The following ATP6V0D1 variants were observed in gnomAD, a reference collection of about 807,000 sequenced individuals.
ATP6V0D1 encodes ATPase H+ transporting V0 subunit d1.
Under a neutral mutation model 39.0 loss-of-function variants are expected in ATP6V0D1, and 13 were observed. That is an observed-to-expected ratio of 0.33 (90% CI 0.22 to 0.53). ATP6V0D1 has a LOEUF of 0.53. Ranked by LOEUF, ATP6V0D1 falls within the 20% of genes least tolerant of loss-of-function variation. ATP6V0D1 has a pLI of 0.94. For synonymous variants in ATP6V0D1, 191 were observed against 191.2 expected (o/e 1.00, Z 0.01); for missense variants, 272 against 470.9 (o/e 0.58, Z 3.91).
At chr16:67,476,278 G>T (rs999875158) in intron 1 of ATP6V0D1, among the ~76,000 whole-genome samples, 1 of 151,268 alleles carries the variant, frequency 6.6e-6, no homozygotes, top group African/African-American at 2.4e-5. Context: ...TGGCTACAGG[G>T]TTATATAAAA....
chr16:67,444,713 G>C lies in ATP6V0D1; in HGVS notation c.303-7C>G, dbSNP rs1223234745. ...GTCGATCATGTAACTGTAACTACAG[G>C]GGGCAGGCAATAGCAAGGAGCCCAT... On this transcript the variant is annotated splice_polypyrimidine_tract_variant and splice_region_variant and intron_variant, in intron 2 of 7. Transcript: ENST00000290949. The surrounding 1 kb of genome is among the most constrained non-coding windows in gnomAD (Gnocchi z 4.8). 6.3e-7 allele frequency: 1 copy of C among 1,585,012 alleles called. No homozygotes were observed. Among genetic ancestry groups the C allele is most frequent in the Non-Finnish European group, 8.6e-7 (1 of 1,160,922 alleles).
intron 1 of ATP6V0D1, chr16:67,457,611 G>A (rs1230854130): frequency 7.8e-7 from 1 of 1,289,558 alleles, no homozygotes; most frequent in East Asian, 5.5e-5. Flanking sequence ...TCATCACTCA[G>A]GGACAAGTCC....
chr16:67,456,730 C>G lies in ATP6V0D1; in HGVS notation c.131-3015G>C, dbSNP rs2041241252. 2 of 152,270 alleles carry G rather than the reference C, an allele frequency of 1.3e-5. No individual in the cohort carries two copies. The highest frequency in any genetic ancestry group is 4.1e-4 in the South Asian group (2 of 4,826). The allele number at this position is 152,270 out of a possible 1,614,324, so 9.4% of individuals were successfully genotyped here. ...CGGGCCAGATGTACAGGGTGAGCTC[C>G]AGAGAAAAACTCAGTCCTTTGGGTG... On this transcript the variant is annotated intron_variant, in intron 1 of 7. Transcript: ENST00000290949. The surrounding 1 kb of genome is among the most constrained non-coding windows in gnomAD (Gnocchi z 4.1).
rs1415697447 is a variant in ATP6V0D1, at chr16:67,444,209, C to A, written c.481+319G>T. On this transcript the variant is annotated intron_variant, in intron 3 of 7. Transcript: ENST00000290949. The surrounding 1 kb of genome is among the most constrained non-coding windows in gnomAD (Gnocchi z 4.8). ...TCAGAGCTCTCGGGACTCCAAGGGA[C>A]TTGGGCCTCTCTCACTCTTCTCCAT... Among the ~76,000 whole-genome samples, 6 of 152,222 alleles carry A rather than the reference C, an allele frequency of 3.9e-5. No homozygotes were observed. Among genetic ancestry groups the A allele is most frequent in the Admixed American group, 6.5e-5 (1 of 15,286 alleles).
At chr16:67,457,622 C>T (rs1029355338) in intron 1 of ATP6V0D1, 8 of 1,289,488 alleles carry the variant, frequency 6.2e-6, no homozygotes, top group Non-Finnish European at 8.1e-6. Flanking sequence ...GGACAAGTCC[C>T]TCTGGCATCC....
chr16:67,443,440 G>A (rs1343885286), intron 3 of ATP6V0D1: 7 of 467,594 alleles, frequency 1.5e-5, no homozygotes, highest in East Asian at 1.4e-4. Flanking sequence ...TCTAATCACC[G>A]CTGGGGCAGA....
At chr16:67,477,361 T>C (rs1461292553) in intron 1 of ATP6V0D1, among the ~76,000 whole-genome samples, 1 of 152,202 alleles carries the variant, frequency 6.6e-6, no homozygotes, top group Non-Finnish European at 1.5e-5. Flanking sequence ...GGAATTTGAA[T>C]ACTAAATGGA....
rs1440765551 is a variant in ATP6V0D1 at position 67,444,155 on chromosome 16, C to T, written c.481+373G>A. On this transcript the variant is annotated intron_variant, in intron 3 of 7. Transcript: ENST00000290949. The surrounding 1 kb of genome is among the most constrained non-coding windows in gnomAD (Gnocchi z 4.8). ...CTCACAGGCAGCCACTCTGGCTTTACTCAGGCTCCAGCTCCGGGCCACAGT... is the reference window on the plus strand; with the variant it reads ...CTCACAGGCAGCCACTCTGGCTTTATTCAGGCTCCAGCTCCGGGCCACAGT... Among the ~76,000 whole-genome samples the T allele has an allele frequency of 6.6e-6, 1 of 152,218 alleles. No homozygotes were observed. Among genetic ancestry groups the T allele is most frequent in the Non-Finnish European group, 1.5e-5 (1 of 68,042 alleles).
chr16:67,445,873 A>G (rs1364301233), intron 2 of ATP6V0D1: 1 of 454,398 alleles, frequency 2.2e-6, no homozygotes, highest in East Asian at 7.0e-5. Flanking sequence ...AGTAGCCACA[A>G]CTATCCTCCA....
At chr16:67,470,331 A>G (rs150062381) in intron 1 of ATP6V0D1, among the ~76,000 whole-genome samples, 2 of 152,380 alleles carry the variant, frequency 1.3e-5, no homozygotes, top group African/African-American at 4.8e-5. Flanking sequence ...TTAAAAAATT[A>G]TATTTAGTCA....
chr16:67,455,084 C>T (rs1363078792), intron 1 of ATP6V0D1: 1 of 152,280 alleles, frequency 6.6e-6, no homozygotes, highest in African/African-American at 2.4e-5. Context: ...AGAAGATACC[C>T]AGGCACATGG....
intron 1 of ATP6V0D1, among the ~76,000 whole-genome samples, chr16:67,477,061 C>T (rs1305412110): frequency 6.9e-6 from 1 of 143,950 alleles, no homozygotes; most frequent in African/African-American, 2.6e-5. Flanking sequence ...ACAAACATCA[C>T]CTATTAAGTA....
In ATP6V0D1 at chr16:67,453,731, A is replaced by AG. The variant is rs774719534; in HGVS notation, c.131-17dup. 6.2e-7 allele frequency: 1 copy of AG among 1,612,522 alleles called. No homozygotes were observed. Among genetic ancestry groups the AG allele is most frequent in the South Asian group, 1.1e-5 (1 of 91,024 alleles). ...AGTTTCAAGTCTGAAACCCAAGGGT[A>AG]GGGGGTAAGGGCTAGCCTTGCTGGG... On this transcript the variant is annotated splice_polypyrimidine_tract_variant and intron_variant, in intron 1 of 7. Coordinates refer to ENST00000290949, the MANE Select transcript of ATP6V0D1 (RefSeq NM_004691.5). This position sits in a 1 kb window ranked among gnomAD's most constrained non-coding sequence, Gnocchi z 4.1.
At position 67,453,488 on chromosome 16, in the gene ATP6V0D1, G is replaced by A; in HGVS notation, c.302+56C>T. 1 of 1,588,798 alleles carries A rather than the reference G, an allele frequency of 6.3e-7. No homozygotes were observed. Among genetic ancestry groups the A allele is most frequent in the Non-Finnish European group, 8.6e-7 (1 of 1,162,532 alleles). On this transcript the variant is annotated intron_variant, in intron 2 of 7. Coordinates refer to ENST00000290949, the MANE Select transcript of ATP6V0D1 (RefSeq NM_004691.5). This position sits in a 1 kb window ranked among gnomAD's most constrained non-coding sequence, Gnocchi z 4.1. Reference sequence around the variant, plus strand: ...CTAAGCCACACTGAACCCAGCTCCTGCAGGTGTAGCTATCCTGCCCAGGTA... The same window carrying A: ...CTAAGCCACACTGAACCCAGCTCCTACAGGTGTAGCTATCCTGCCCAGGTA...
In ATP6V0D1 at chr16:67,444,924, G is replaced by C. The variant is rs544410798; in HGVS notation, c.303-218C>G. Among the ~76,000 whole-genome samples, 280 of 152,278 alleles carry C rather than the reference G, an allele frequency of 1.8e-3. 1 individual carries two copies. Among genetic ancestry groups the C allele is most frequent in the African/African-American group, 6.4e-3 (267 of 41,572 alleles). The stretch of plus-strand genomic sequence containing the variant: ...TGCCAGAGGCCTAGGACAGACACAG[G>C]CCCCCCAAACGGGCGGGGGCAGGGG... On this transcript the variant is annotated intron_variant, in intron 2 of 7. Transcript: ENST00000290949. This position sits in a 1 kb window ranked among gnomAD's most constrained non-coding sequence, Gnocchi z 4.8.
chr16:67,473,506 G>A (rs1311735409), intron 1 of ATP6V0D1, among the ~76,000 whole-genome samples: 7 of 151,906 alleles, frequency 4.6e-5, no homozygotes, highest in Non-Finnish European at 1.0e-4. Context: ...CCGCCACTAC[G>A]CCCAACTAAT....
At position 67,481,144 on chromosome 16, in the gene ATP6V0D1, TC is replaced by T; in HGVS notation, c.-59del. ...AGGACCGGCCGGCACGAATCGCGAC[TC>T]CCCAGGTCAGCTGACGCTGCGTCCT... On this transcript the variant is annotated 5_prime_UTR_variant, in exon 1 of 8. Coordinates refer to ENST00000290949, the MANE Select transcript of ATP6V0D1 (RefSeq NM_004691.5). 1 of 1,605,706 alleles carries T rather than the reference TC, an allele frequency of 6.2e-7. No individual in the cohort carries two copies. Among genetic ancestry groups the T allele is most frequent in the Non-Finnish European group, 8.5e-7 (1 of 1,174,466 alleles).
chr16:67,460,888 G>A (rs184413284), intron 1 of ATP6V0D1, among the ~76,000 whole-genome samples: 1 of 152,248 alleles, frequency 6.6e-6, no homozygotes, highest in African/African-American at 2.4e-5. Flanking sequence ...AAAGAATCTG[G>A]GCTTCAGAGC....
intron 1 of ATP6V0D1, among the ~76,000 whole-genome samples, chr16:67,472,681 C>T (rs2041382939): frequency 6.6e-6 from 1 of 152,286 alleles, no homozygotes; most frequent in Admixed American, 6.5e-5. Flanking sequence ...TCCTGGCTAA[C>T]ACGGTGAAAC....
Sources: allele counts gnomAD v4.1 joint callset (sites outside exome capture counted in the v4.1 genomes callset), GRCh38; gene constraint gnomAD v4.1.1; non-coding constraint Gnocchi (gnomAD v3.1); transcripts MANE v1.5; gene names NCBI Gene and HGNC (gene_info 2026-07-23, HGNC 2026-07-21).